Variants in PTPRD observed in about 807,000 individuals in gnomAD.
PTPRD encodes protein tyrosine phosphatase receptor type D, also known as receptor-type tyrosine-protein phosphatase delta.
PTPRD carries 34 observed loss-of-function variants against 214.5 expected under a neutral mutation model. That is an observed-to-expected ratio of 0.16 (90% CI 0.12 to 0.21). The LOEUF is 0.21. Among genes scored for constraint, PTPRD ranks in the 10% least tolerant of loss-of-function variants. The probability of loss-of-function intolerance (pLI) is 1.00; values close to 1 mark genes in which losing one functional copy is unlikely to be tolerated. For synonymous variants in PTPRD, 1,128 were observed against 845.7 expected, an observed-to-expected ratio of 1.33 and a Z score of -5.79; for missense variants, 2,545 against 2,398.7, an observed-to-expected ratio of 1.06 and a Z score of -1.27.
At chr9:9,048,261 A>G (rs1327545873) in intron 10 of PTPRD, among the ~76,000 whole-genome samples, 1 of 152,168 alleles carries the variant, frequency 6.6e-6, no homozygotes, top group Non-Finnish European at 1.5e-5. Context: ...CAAAAAACTA[A>G]AAATAGAGCT....
chr9:9,003,404 T>A (rs1195462062), intron 11 of PTPRD, among the ~76,000 whole-genome samples: 1 of 152,132 alleles, frequency 6.6e-6, no homozygotes, highest in East Asian at 1.9e-4. Context: ...GCCCCAACTA[T>A]TAAAATATGC....
intron 3 of PTPRD, among the ~76,000 whole-genome samples, chr9:10,084,782 A>G (rs555083466): frequency 6.6e-6 from 1 of 152,132 alleles, no homozygotes; most frequent in South Asian, 2.1e-4. Flanking sequence ...TTTATTTACA[A>G]AATTCAATAG....
chr9:10,240,827 T>A (rs138585938), intron 3 of PTPRD, among the ~76,000 whole-genome samples: 4 of 151,842 alleles, frequency 2.6e-5, no homozygotes, highest in Non-Finnish European at 5.9e-5. Context: ...TTTTGAATCA[T>A]GAACTACAAA....
chr9:8,811,120 C>G (rs1004708395), intron 11 of PTPRD, among the ~76,000 whole-genome samples: 2 of 152,160 alleles, frequency 1.3e-5, no homozygotes. Context: ...CAAAAAGCAA[C>G]TACTCCAGCA....
chr9:8,633,164 T>C (rs1368800313), intron 14 of PTPRD, among the ~76,000 whole-genome samples, 153 bp downstream of exon 14: 2 of 151,984 alleles, frequency 1.3e-5, no homozygotes, highest in African/African-American at 4.8e-5. Context: ...CTAGAGAAGG[T>C]ATCCACTGTC....
chr9:10,606,178 A>G (rs773222503), intron 2 of PTPRD, among the ~76,000 whole-genome samples: 1 of 151,838 alleles, frequency 6.6e-6, no homozygotes, highest in Non-Finnish European at 1.5e-5. Flanking sequence ...TGACAAGATA[A>G]AAGTGTGAGC....
At chr9:8,429,287 C>G (rs773708785) in intron 35 of PTPRD, among the ~76,000 whole-genome samples, 3 of 152,076 alleles carry the variant, frequency 2.0e-5, no homozygotes, top group Non-Finnish European at 4.4e-5. Context: ...AATTTGTGAC[C>G]TGGTTTTACC....
intron 11 of PTPRD, among the ~76,000 whole-genome samples, chr9:8,958,451 T>C (rs1588877498): frequency 6.6e-6 from 1 of 152,074 alleles, no homozygotes; most frequent in African/African-American, 2.4e-5. Context: ...GAGAAGATGA[T>C]AGTGGTGGAC....
chr9:9,562,158 T>A (rs555312118), intron 8 of PTPRD, among the ~76,000 whole-genome samples: 1 of 152,306 alleles, frequency 6.6e-6, no homozygotes, highest in East Asian at 1.9e-4. Context: ...TTATTTTTAT[T>A]TTTTGGTAAA....
intron 3 of PTPRD, among the ~76,000 whole-genome samples, chr9:10,292,972 G>T (rs966977236): frequency 6.6e-6 from 1 of 151,756 alleles, no homozygotes; most frequent in Admixed American, 6.6e-5. Flanking sequence ...CCAGATGATC[G>T]TTTACAGTAA....
intron 11 of PTPRD, among the ~76,000 whole-genome samples, chr9:8,739,692 G>A (rs1051790490): frequency 6.7e-6 from 1 of 149,988 alleles, no homozygotes; most frequent in African/African-American, 2.5e-5. Context: ...ACCCATTTAA[G>A]CTTTGGATCA....
intron 2 of PTPRD, among the ~76,000 whole-genome samples, chr9:10,516,011 T>C (rs769030231): frequency 1.3e-5 from 2 of 152,004 alleles, no homozygotes; most frequent in African/African-American, 4.8e-5. Flanking sequence ...ATGTTTGTTA[T>C]TGTGAATAGA....
intron 14 of PTPRD, among the ~76,000 whole-genome samples, chr9:8,582,986 T>C (rs1184345449): frequency 6.6e-6 from 1 of 152,174 alleles, no homozygotes; most frequent in African/African-American, 2.4e-5. Flanking sequence ...ACTCAGAAGC[T>C]CATTAACTTA....
chr9:10,350,825 G>T (rs764273536), intron 2 of PTPRD, among the ~76,000 whole-genome samples: 1 of 152,168 alleles, frequency 6.6e-6, no homozygotes, highest in African/African-American at 2.4e-5. Flanking sequence ...ACCAAATATT[G>T]AGCGTGGTGG....
At chr9:9,302,355 G>C (rs1242555296) in intron 9 of PTPRD, among the ~76,000 whole-genome samples, 2 of 151,832 alleles carry the variant, frequency 1.3e-5, no homozygotes, top group Non-Finnish European at 2.9e-5. Flanking sequence ...ACACACAATT[G>C]TTATTGATAG....
chr9:10,271,384 CAG>C (rs1555002075), intron 3 of PTPRD, among the ~76,000 whole-genome samples: 2 of 151,580 alleles, frequency 1.3e-5, no homozygotes, highest in African/African-American at 2.4e-5. Context: ...AAGAGTAACT[CAG>C]AGTCTCTTTA....
intron 10 of PTPRD, among the ~76,000 whole-genome samples, chr9:9,032,838 G>C (rs1007877115): frequency 6.6e-6 from 1 of 152,104 alleles, no homozygotes; most frequent in Non-Finnish European, 1.5e-5. Flanking sequence ...AAGATACTGA[G>C]ACAATATCTA....
intron 11 of PTPRD, among the ~76,000 whole-genome samples, chr9:8,786,320 T>C (rs1376601910): frequency 6.6e-6 from 1 of 151,552 alleles, no homozygotes; most frequent in Non-Finnish European, 1.5e-5. Flanking sequence ...TTCAATGCCG[T>C]GGTTATTTCT....
At chr9:8,881,507 T>C (rs2098445821) in intron 11 of PTPRD, among the ~76,000 whole-genome samples, 1 of 152,184 alleles carries the variant, frequency 6.6e-6, no homozygotes. Flanking sequence ...CTTTCTGTAA[T>C]GGAAGGGGTT....
Sources: allele counts gnomAD v4.1 joint callset (sites outside exome capture counted in the v4.1 genomes callset), GRCh38; gene constraint gnomAD v4.1.1; transcripts MANE v1.5; gene names NCBI Gene and HGNC (gene_info 2026-07-23, HGNC 2026-07-21).